The following SATB2 variants were observed in gnomAD, a reference collection of about 807,000 sequenced individuals.
SATB2 encodes the protein SATB homeobox 2.
A neutral mutation model predicts 73.4 loss-of-function variants in SATB2; 1 was observed. The observed-to-expected ratio is 0.01, with a 90% confidence interval of 0.00 to 0.06. The LOEUF (loss-of-function observed/expected upper bound fraction) is 0.06. SATB2 is among the 10% of genes least tolerant of loss of function. SATB2 has a pLI of 1.00. For missense variants in SATB2, 459 were observed against 945.8 expected (o/e 0.49, Z 6.75); for synonymous variants, 397 against 367.0 (o/e 1.08, Z -0.93).
At chr2:199,440,343 C>G (rs1299256486) in intron 2 of SATB2, among the ~76,000 whole-genome samples, 4 of 152,178 alleles carry the variant, frequency 2.6e-5, no homozygotes, top group African/African-American at 9.7e-5. Context: ...TCCTACTCCC[C>G]CCAGGGGCTG....
intron 3 of SATB2, among the ~76,000 whole-genome samples, chr2:199,431,821 C>T (rs551037922): frequency 6.6e-6 from 1 of 152,234 alleles, no homozygotes; most frequent in Admixed American, 6.5e-5. Context: ...GATGGATGGC[C>T]CTGTCAAACA....
Position 199,445,441 on chromosome 2 carries a change from T to C in SATB2, c.169+10428A>G, listed in dbSNP as rs868149824. On this transcript the variant is annotated intron_variant, in intron 2 of 10. Coordinates refer to ENST00000417098, the MANE Select transcript of SATB2 (RefSeq NM_001172509.2). The stretch of plus-strand genomic sequence containing the variant: ...GGTTCTTACTAAAGTCACGGCATTT[T>C]CATACAGTTCTTTTCCTCCTCAAAG... Among the ~76,000 whole-genome samples the C allele has an allele frequency of 3.3e-5, 5 of 152,322 alleles. No individual in the cohort carries two copies. In the Middle Eastern group the frequency reaches 0.01, roughly 311 times the overall value.
upstream of SATB2, chr2:199,458,177 C>T: frequency 5.3e-6 from 1 of 189,906 alleles, no homozygotes; most frequent in Non-Finnish European, 1.0e-5. Context: ...CAGACTGGTC[C>T]ACCGCAAGAA....
intron 2 of SATB2, among the ~76,000 whole-genome samples, chr2:199,443,577 G>C (rs1574634661): frequency 1.5e-5 from 2 of 132,996 alleles, no homozygotes; most frequent in African/African-American, 5.7e-5. Context: ...CTCACAAAAA[G>C]AAAATCCTAC....
chr2:199,456,101 G>A lies in SATB2; in HGVS notation c.-59-5C>T. On this transcript the variant is annotated splice_polypyrimidine_tract_variant and splice_region_variant and intron_variant, in intron 1 of 10. Transcript: ENST00000417098. ...CGCAATAAAACGCACAGGGACCTAG[G>A]GAGGGGGTGGGGGGAGGAAGGGGGA... The A allele has an allele frequency of 2.3e-6, 3 of 1,298,848 alleles. No individual in the cohort carries two copies. Among genetic ancestry groups the A allele is most frequent in the East Asian group, 5.1e-5 (2 of 39,524 alleles). 80.5% of individuals were successfully genotyped at this position (1,298,848 alleles called of 1,614,324 possible). A position where few individuals can be genotyped will look rare whatever the true frequency, so the allele number is the denominator to read the frequency against.
At chr2:199,344,432 G>T (rs1273546844) in intron 7 of SATB2, among the ~76,000 whole-genome samples, 4 of 152,166 alleles carry the variant, frequency 2.6e-5, no homozygotes, top group African/African-American at 9.7e-5. Context: ...TTTGAATCAC[G>T]AGAGAAAGTG....
intron 4 of SATB2, 89 bp downstream of exon 4, chr2:199,381,605 T>C (rs548773014): frequency 4.6e-6 from 7 of 1,525,192 alleles, no homozygotes; most frequent in Middle Eastern, 1.7e-4. Flanking sequence ...CAGAAATTAA[T>C]AGACAGGACA....
intron 10 of SATB2, among the ~76,000 whole-genome samples, chr2:199,301,012 T>C (rs371167949): frequency 1.1e-4 from 16 of 152,134 alleles, no homozygotes; most frequent in African/African-American, 3.6e-4. Flanking sequence ...CTAACTTCAG[T>C]AATTAAAATG....
rs970400947 is a variant in SATB2 at position 199,463,353 on chromosome 2, C to T, written c.-141+1483G>A. Among the ~76,000 whole-genome samples the T allele has an allele frequency of 5.3e-5, 8 of 152,210 alleles. No homozygotes were observed. The highest frequency in any genetic ancestry group is 2.4e-5 in the African/African-American group (1 of 41,454). On this transcript the variant is annotated intron_variant, in intron 1 of 11. Coordinates refer to the SATB2 transcript ENST00000260926. The surrounding 1 kb of genome is among the most constrained non-coding windows in gnomAD (Gnocchi z 6.4). ...CGAAGGAGCCGCCGCTGCGTCCCCG[C>T]CCCCAGCTCGGAGCTGCCGGGGTTG...
At position 199,432,103 on chromosome 2, in the gene SATB2, C is replaced by T. The variant is rs534684457; in HGVS notation, c.346+1235G>A. 1.2e-4 allele frequency among the ~76,000 whole-genome samples: 18 copies of T among 152,286 alleles called. No individual in the cohort carries two copies. The South Asian group carries it at 3.5e-3, about 30-fold the overall frequency. Reference sequence around the variant, plus strand: ...GCTGCTTTGAAAGCACTGGACTCTACGATTCAGCTATATCACTGCGCCCAG... The same window carrying T: ...GCTGCTTTGAAAGCACTGGACTCTATGATTCAGCTATATCACTGCGCCCAG... On this transcript the variant is annotated intron_variant, in intron 3 of 10. Coordinates refer to ENST00000417098, the MANE Select transcript of SATB2 (RefSeq NM_001172509.2).
At chr2:199,303,626 G>A (rs1687347309) in intron 10 of SATB2, among the ~76,000 whole-genome samples, 1 of 152,120 alleles carries the variant, frequency 6.6e-6, no homozygotes. Flanking sequence ...TCCACTAGAT[G>A]CCAGTAGCAC....
intron 7 of SATB2, among the ~76,000 whole-genome samples, chr2:199,344,312 C>T (rs1477579751): frequency 1.3e-5 from 2 of 152,004 alleles, no homozygotes; most frequent in African/African-American, 4.8e-5. Flanking sequence ...AAAGATAGAT[C>T]CTTCCAATTT....
rs1692132769 is a variant in SATB2, at chr2:199,270,842, C to T, written c.*1369G>A. The T allele has an allele frequency of 6.6e-6, 1 of 152,302 alleles. No individual in the cohort carries two copies. The highest frequency in any genetic ancestry group is 1.5e-5 in the Non-Finnish European group (1 of 68,034). 9.4% of individuals were successfully genotyped at this position (152,302 alleles called of 1,614,324 possible). A position where few individuals can be genotyped will look rare whatever the true frequency, so the allele number is the denominator to read the frequency against. On this transcript the variant is annotated 3_prime_UTR_variant, in exon 11 of 11. Transcript: ENST00000417098. ...GAAATCGCTTCACATACTCTATTGC[C>T]TGGAGCTGCACAACGATTCAAAAAC...
At chr2:199,304,669 C>T (rs1687381071) in intron 10 of SATB2, among the ~76,000 whole-genome samples, 1 of 152,298 alleles carries the variant, frequency 6.6e-6, no homozygotes, top group African/African-American at 2.4e-5. Context: ...ACTGTGGATT[C>T]ATGATGTGAC....
At chr2:199,449,380 T>C (rs147024865) in intron 2 of SATB2, among the ~76,000 whole-genome samples, 109 of 152,314 alleles carry the variant, frequency 7.2e-4, no homozygotes, top group African/African-American at 2.5e-3. Context: ...AATCACTTGC[T>C]ACTAAAAAGC....
intron 5 of SATB2, among the ~76,000 whole-genome samples, chr2:199,373,225 C>T (rs997281867): frequency 1.3e-5 from 2 of 152,104 alleles, no homozygotes; most frequent in Non-Finnish European, 2.9e-5. Context: ...CAAAGACAGG[C>T]AATGAGTGAG....
chr2:199,292,523 A>C (rs1022957541), intron 10 of SATB2, among the ~76,000 whole-genome samples: 4 of 152,232 alleles, frequency 2.6e-5, no homozygotes, highest in Non-Finnish European at 5.9e-5. Context: ...GACAGAGTAT[A>C]AGAAAAATAT....
At position 199,333,335 on chromosome 2, in the gene SATB2, C is replaced by G. The variant is rs1389802582; in HGVS notation, c.1174-4425G>C. On this transcript the variant is annotated intron_variant, in intron 7 of 10. Coordinates refer to ENST00000417098, the MANE Select transcript of SATB2 (RefSeq NM_001172509.2). ...TAAAAGATGCCAAGCATTATTAATG[C>G]AAGCCAGAACTAGTGTCACCTTGGC... is the stretch of plus-strand genomic sequence containing the variant. 2.0e-5 allele frequency among the ~76,000 whole-genome samples: 3 copies of G among 152,110 alleles called. No homozygotes were observed. The East Asian group carries it at 5.8e-4, about 30-fold the overall frequency.
intron 2 of SATB2, among the ~76,000 whole-genome samples, chr2:199,445,304 C>T (rs1318510963): frequency 2.6e-5 from 4 of 152,148 alleles, no homozygotes; most frequent in South Asian, 2.1e-4. Flanking sequence ...TCTGACCCTG[C>T]GCTAATTGGA....
Sources: gnomAD v4.1 joint callset for allele counts (sites outside exome capture counted in the v4.1 genomes callset) on GRCh38, gnomAD v4.1.1 for gene constraint, Gnocchi (gnomAD v3.1) non-coding constraint, MANE v1.5 for transcripts, NCBI Gene and HGNC (gene_info 2026-07-23, HGNC 2026-07-21) for gene names.